The following LINGO2 variants were observed in gnomAD, a reference collection of about 807,000 sequenced individuals.
The protein encoded by LINGO2 is leucine-rich repeat and immunoglobulin-like domain-containing nogo receptor-interacting protein 2.
LINGO2 carries 14 observed loss-of-function variants against 30.6 expected under a neutral mutation model. The ratio of observed to expected loss-of-function variants is 0.46; its 90% confidence interval spans 0.30 to 0.72. LINGO2 has a LOEUF of 0.72. Ranked by LOEUF, LINGO2 falls within the 30% of genes least tolerant of loss-of-function variation. The probability of loss-of-function intolerance (pLI) is 0.07; values close to 1 mark genes in which losing one functional copy is unlikely to be tolerated. For synonymous variants in LINGO2, 317 were observed against 288.5 expected (o/e 1.10, Z -1.00); for missense variants, 729 against 751.7 (o/e 0.97, Z 0.35).
intron 5 of LINGO2, among the ~76,000 whole-genome samples, chr9:27,975,691 T>TA (rs753881105): frequency 5.3e-5 from 8 of 152,094 alleles, no homozygotes; most frequent in African/African-American, 1.7e-4. Flanking sequence ...ATTGTACTTT[T>TA]AAAAAACCTT....
At chr9:28,485,237 T>C (rs1231327822) in intron 1 of LINGO2, among the ~76,000 whole-genome samples, 3 of 152,140 alleles carry the variant, frequency 2.0e-5, no homozygotes, top group African/African-American at 7.2e-5. Flanking sequence ...CAGCAGTTCC[T>C]CCAGTCTTCC....
intron 4 of LINGO2, among the ~76,000 whole-genome samples, chr9:28,031,360 T>C (rs1823661063): frequency 1.3e-5 from 2 of 152,044 alleles, no homozygotes; most frequent in South Asian, 4.1e-4. Context: ...ATGGTTTTTT[T>C]TTTTTTTTAC....
chr9:28,727,558 G>A, the LINGO2 span, among the ~76,000 whole-genome samples: 1 of 152,146 alleles, frequency 6.6e-6, no homozygotes, highest in African/African-American at 2.4e-5. Context: ...AAAGTGCTGG[G>A]ATTACAGGCG....
chr9:28,600,014 C>T (rs1563854555), intron 1 of LINGO2, among the ~76,000 whole-genome samples: 3 of 152,012 alleles, frequency 2.0e-5, no homozygotes, highest in Non-Finnish European at 4.4e-5. Flanking sequence ...ATACAAAATG[C>T]TTTTGAAAAT....
At chr9:28,983,331 AAAAG>A in the LINGO2 span, among the ~76,000 whole-genome samples, 2 of 151,748 alleles carry the variant, frequency 1.3e-5, no homozygotes, top group Admixed American at 1.3e-4. Flanking sequence ...AAAAAAAAAA[AAAAG>A]AACTGATGAT....
the LINGO2 span, among the ~76,000 whole-genome samples, chr9:28,810,812 C>T: frequency 7.9e-5 from 12 of 152,030 alleles, no homozygotes; most frequent in Admixed American, 2.6e-4. Flanking sequence ...TTCTTCTGTT[C>T]TCTAGTATTC....
the LINGO2 span, among the ~76,000 whole-genome samples, chr9:28,701,640 A>G: frequency 6.6e-6 from 1 of 151,786 alleles, no homozygotes; most frequent in African/African-American, 2.4e-5. Flanking sequence ...TTGCTTTTCC[A>G]TATACATTTT....
the LINGO2 span, chr9:27,937,810 A>G: frequency 6.6e-6 from 1 of 152,158 alleles, no homozygotes; most frequent in African/African-American, 2.4e-5. Context: ...CAATACGGCA[A>G]TTAAAAATGG....
chr9:28,410,090 A>G (rs1822701250), intron 2 of LINGO2, among the ~76,000 whole-genome samples: 1 of 151,274 alleles, frequency 6.6e-6, no homozygotes. Context: ...AAAGAAAGAA[A>G]AAGTTAGGAA....
At chr9:29,085,821 T>G in the LINGO2 span, among the ~76,000 whole-genome samples, 1 of 152,102 alleles carries the variant, frequency 6.6e-6, no homozygotes, top group Admixed American at 6.6e-5. Flanking sequence ...ACAAGGAAAT[T>G]GAAACTCAAT....
At chr9:28,947,196 T>C in the LINGO2 span, among the ~76,000 whole-genome samples, 3 of 152,070 alleles carry the variant, frequency 2.0e-5, no homozygotes, top group African/African-American at 7.2e-5. Context: ...GATATAGATA[T>C]AGAAGCTTCA....
chr9:28,580,693 T>C (rs7025918), intron 1 of LINGO2, among the ~76,000 whole-genome samples: 145,713 of 152,016 alleles, frequency 0.96, 70,155 homozygotes, highest in East Asian at 1. Flanking sequence ...ACCAGCACTT[T>C]GGCATTCAAA....
chr9:28,781,010 A>G, the LINGO2 span, among the ~76,000 whole-genome samples: 1 of 152,154 alleles, frequency 6.6e-6, no homozygotes, highest in Admixed American at 6.5e-5. Flanking sequence ...TAATACTAAT[A>G]AGATTTTAAA....
chr9:28,644,859 A>T (rs1827766547), intron 1 of LINGO2, among the ~76,000 whole-genome samples: 1 of 152,026 alleles, frequency 6.6e-6, no homozygotes, highest in African/African-American at 2.4e-5. Flanking sequence ...TTTTTTAAAA[A>T]AATTAAAGAT....
the LINGO2 span, among the ~76,000 whole-genome samples, chr9:29,118,817 C>T: frequency 6.6e-5 from 10 of 152,094 alleles, no homozygotes; most frequent in South Asian, 4.2e-4. Flanking sequence ...AACTTGGCTC[C>T]GGGCCCACGC....
the LINGO2 span, among the ~76,000 whole-genome samples, chr9:28,696,334 G>A: frequency 6.6e-6 from 1 of 151,868 alleles, no homozygotes; most frequent in African/African-American, 2.4e-5. Context: ...ACTGCTGCTT[G>A]TGCTGTATTT....
chr9:28,258,659 A>G (rs1293480928), intron 4 of LINGO2, among the ~76,000 whole-genome samples: 1 of 151,974 alleles, frequency 6.6e-6, no homozygotes, highest in Non-Finnish European at 1.5e-5. Flanking sequence ...GAGCCTTTAC[A>G]GAGAGGTTTA....
the LINGO2 span, among the ~76,000 whole-genome samples, chr9:29,141,918 T>C: frequency 5.9e-5 from 9 of 151,828 alleles, no homozygotes; most frequent in Non-Finnish European, 1.2e-4. Context: ...GAAGCAAATA[T>C]TGACAGAACT....
At chr9:28,304,370 T>C (rs1448166398) in intron 3 of LINGO2, among the ~76,000 whole-genome samples, 1 of 151,412 alleles carries the variant, frequency 6.6e-6, no homozygotes, top group Non-Finnish European at 1.5e-5. Context: ...TTTATAAATA[T>C]ATACATGATA....
Sources: gnomAD v4.1 joint callset for allele counts (sites outside exome capture counted in the v4.1 genomes callset) on GRCh38, gnomAD v4.1.1 for gene constraint, MANE v1.5 for transcripts, NCBI Gene and HGNC (gene_info 2026-07-23, HGNC 2026-07-21) for gene names.